Variants in CYSTM1 observed in about 807,000 individuals in gnomAD.
The protein encoded by CYSTM1 is cysteine-rich transmembrane module-containing protein 1.
Under a neutral mutation model 13.1 loss-of-function variants are expected in CYSTM1, and 4 were observed. The ratio of observed to expected loss-of-function variants is 0.31; its 90% confidence interval spans 0.15 to 0.70. The LOEUF (loss-of-function observed/expected upper bound fraction) is 0.70, where lower values mean the gene tolerates loss of function less well. Among genes scored for constraint, CYSTM1 ranks in the 30% least tolerant of loss-of-function variants. The pLI is 0.72. For missense variants in CYSTM1, 96 were observed against 121.6 expected, an observed-to-expected ratio of 0.79 and a Z score of 0.99; for synonymous variants, 36 against 42.7, an observed-to-expected ratio of 0.84 and a Z score of 0.62.
chr5:140,212,983 GTA>G lies in CYSTM1; in HGVS notation c.187+18357_187+18358del, dbSNP rs150669111. Reference sequence around the variant, plus strand: ...ACTCTGTCTCAAAAACAAAACAAAAGTATATATATATATATATATATATATAT... The same window carrying G: ...ACTCTGTCTCAAAAACAAAACAAAAGTATATATATATATATATATATATAT... On this transcript the variant is annotated intron_variant, in intron 2 of 2. Transcript: ENST00000261811. Among the ~76,000 whole-genome samples, 985 of 114,228 alleles carry G rather than the reference GTA, an allele frequency of 8.6e-3. 31 individuals carry two copies. The highest frequency in any genetic ancestry group is 0.024 in the African/African-American group (772 of 32,278). The allele number at this position is 114,228 out of a possible 152,430, so 74.9% of individuals were successfully genotyped here. A position where few individuals can be genotyped will look rare whatever the true frequency, so the allele number is the denominator to read the frequency against.
chr5:140,190,151 A>G (rs1764073485), intron 1 of CYSTM1, among the ~76,000 whole-genome samples: 1 of 152,216 alleles, frequency 6.6e-6, no homozygotes, highest in South Asian at 2.1e-4. Context: ...TATTTTAAAG[A>G]AAGTTGAGAC....
chr5:140,203,016 A>G (rs1385980726), intron 2 of CYSTM1: 1 of 152,196 alleles, frequency 6.6e-6, no homozygotes, highest in Non-Finnish European at 1.5e-5. Flanking sequence ...TTCAGCTGAC[A>G]TGATTGAAAC....
intron 1 of CYSTM1, among the ~76,000 whole-genome samples, chr5:140,192,143 T>C (rs1561809873): frequency 6.6e-6 from 1 of 152,222 alleles, no homozygotes; most frequent in Admixed American, 6.5e-5. Flanking sequence ...TCCCATAACA[T>C]AGAGTTTCAA....
intron 2 of CYSTM1, among the ~76,000 whole-genome samples, chr5:140,242,257 G>A (rs185597525): frequency 7.2e-5 from 11 of 152,300 alleles, no homozygotes; most frequent in Non-Finnish European, 1.2e-4. Context: ...GAGGGCAGCT[G>A]ATACAACGGG....
intron 2 of CYSTM1, among the ~76,000 whole-genome samples, chr5:140,231,046 T>C (rs1051702129): frequency 2.6e-5 from 4 of 152,242 alleles, no homozygotes; most frequent in South Asian, 2.1e-4. Context: ...TATCAAGTAA[T>C]TGGTGAAAGA....
At chr5:140,205,198 C>T (rs1210501707) in intron 2 of CYSTM1, among the ~76,000 whole-genome samples, 1 of 152,124 alleles carries the variant, frequency 6.6e-6, no homozygotes, top group Non-Finnish European at 1.5e-5. Flanking sequence ...GGGCCATTGG[C>T]CAGCCAGCAG....
chr5:140,214,837 A>C (rs1468151727), intron 2 of CYSTM1, among the ~76,000 whole-genome samples: 1 of 152,234 alleles, frequency 6.6e-6, no homozygotes, highest in Non-Finnish European at 1.5e-5. Flanking sequence ...TCCCTATGTC[A>C]GCTGCACTCT....
At chr5:140,194,195 CA>C (rs1186447280) in intron 1 of CYSTM1, among the ~76,000 whole-genome samples, 2 of 152,134 alleles carry the variant, frequency 1.3e-5, no homozygotes, top group African/African-American at 4.8e-5. Context: ...GGTGGTGATC[CA>C]AAACTTACTT....
At chr5:140,177,068 C>CAAAAAAAAAAAAAAAAAAAAAA (rs1161281232) in intron 1 of CYSTM1, among the ~76,000 whole-genome samples, 1 of 87,950 alleles carries the variant, frequency 1.1e-5, no homozygotes, top group African/African-American at 4.4e-5. Flanking sequence ...GACTCTGTCT[C>CAAAAAAAAAAAAAAAAAAAAAA]AAAAAAAAAA....
intron 2 of CYSTM1, chr5:140,228,833 C>G (rs1764589774): frequency 1.5e-5 from 6 of 398,996 alleles, no homozygotes; most frequent in Non-Finnish European, 2.7e-5. Context: ...ACAACTTGAA[C>G]TGAGCAGCTA....
At chr5:140,196,472 T>C (rs1348919084) in intron 2 of CYSTM1, among the ~76,000 whole-genome samples, 1 of 152,240 alleles carries the variant, frequency 6.6e-6, no homozygotes, top group Admixed American at 6.5e-5. Context: ...ATTATACTTT[T>C]ATAGTGGCAA....
intron 1 of CYSTM1, among the ~76,000 whole-genome samples, chr5:140,187,878 G>C (rs1764037169): frequency 1.3e-5 from 2 of 151,282 alleles, no homozygotes; most frequent in South Asian, 4.2e-4. Flanking sequence ...AACATTTGAA[G>C]ACCTTAGAGA....
chr5:140,208,699 T>C (rs1171119874), intron 2 of CYSTM1, among the ~76,000 whole-genome samples: 1 of 152,168 alleles, frequency 6.6e-6, no homozygotes, highest in Non-Finnish European at 1.5e-5. Context: ...TATATACACC[T>C]ACTATGTACC....
At chr5:140,224,651 G>T (rs562760272) in intron 2 of CYSTM1, among the ~76,000 whole-genome samples, 5 of 152,120 alleles carry the variant, frequency 3.3e-5, no homozygotes, top group Admixed American at 3.3e-4. Context: ...CTCCTGAATA[G>T]CTGGGACTAC....
chr5:140,184,843 A>G (rs995347587), intron 1 of CYSTM1, among the ~76,000 whole-genome samples: 14 of 152,206 alleles, frequency 9.2e-5, no homozygotes, highest in African/African-American at 3.4e-4. Context: ...AAGAATGCTA[A>G]AATGTACCTA....
chr5:140,192,287 G>A (rs1271504427), intron 1 of CYSTM1, among the ~76,000 whole-genome samples: 1 of 152,146 alleles, frequency 6.6e-6, no homozygotes, highest in South Asian at 2.1e-4. Context: ...GTTTCAGCCA[G>A]TTGCACAAGG....
chr5:140,214,191 C>T (rs1011799801), intron 2 of CYSTM1, among the ~76,000 whole-genome samples: 2 of 152,202 alleles, frequency 1.3e-5, no homozygotes, highest in Non-Finnish European at 2.9e-5. Context: ...GATGGTCTCC[C>T]TAATGACTGC....
intron 2 of CYSTM1, among the ~76,000 whole-genome samples, chr5:140,207,710 G>T (rs1764314495): frequency 6.6e-6 from 1 of 152,150 alleles, no homozygotes; most frequent in Non-Finnish European, 1.5e-5. Flanking sequence ...GCATCATCAG[G>T]CTCCCTCCTT....
Position 140,177,078 on chromosome 5 carries a change from A to AAAAAAACAAAAC in CYSTM1, c.-21+1799_-21+1800insCAAAACAAAAAA, listed in dbSNP as rs1554131559. Reference sequence around the variant, plus strand: ...AGCGAGACTCTGTCTCAAAAAAAAAAAAAAAAAAATCTCTAGTCCTTTCCT... The same window carrying AAAAAAACAAAAC: ...AGCGAGACTCTGTCTCAAAAAAAAAAAAAAAACAAAACAAAAAAAAATCTCTAGTCCTTTCCT... On this transcript the variant is annotated intron_variant, in intron 1 of 2. Coordinates refer to ENST00000261811, the MANE Select transcript of CYSTM1 (RefSeq NM_032412.4). 1.5e-5 allele frequency among the ~76,000 whole-genome samples: 2 copies of AAAAAAACAAAAC among 135,544 alleles called. 1 individual carries two copies. Among genetic ancestry groups the AAAAAAACAAAAC allele is most frequent in the African/African-American group, 5.3e-5 (2 of 37,970 alleles). 88.9% of individuals were successfully genotyped at this position (135,544 alleles called of 152,430 possible).
Sources: allele counts gnomAD v4.1 joint callset (sites outside exome capture counted in the v4.1 genomes callset), GRCh38; gene constraint gnomAD v4.1.1; transcripts MANE v1.5; gene names NCBI Gene and HGNC (gene_info 2026-07-23, HGNC 2026-07-21).